The following HYDIN variants were observed in gnomAD, a reference collection of about 807,000 sequenced individuals.
The protein encoded by HYDIN is HYDIN axonemal central pair apparatus protein.
Under a neutral mutation model 403.9 loss-of-function variants are expected in HYDIN, and 132 were observed. That is an observed-to-expected ratio of 0.33 (90% CI 0.28 to 0.38). The LOEUF (loss-of-function observed/expected upper bound fraction) is 0.38, where lower values mean the gene tolerates loss of function less well. HYDIN is among the 10% of genes least tolerant of loss of function. The probability of loss-of-function intolerance (pLI) is 1.00; values close to 1 mark genes in which losing one functional copy is unlikely to be tolerated. For missense variants in HYDIN, 2,827 were observed against 5,009.5 expected, an observed-to-expected ratio of 0.56 and a Z score of 13.15; for synonymous variants, 1,202 against 1,891.7, an observed-to-expected ratio of 0.64 and a Z score of 9.46.
Position 71,197,318 on chromosome 16 carries a change from T to C in HYDIN, c.-23-10400A>G, listed in dbSNP as rs562354640. Among the ~76,000 whole-genome samples, 12 of 152,148 alleles carry C rather than the reference T, an allele frequency of 7.9e-5. No homozygotes were observed. In the South Asian group the frequency reaches 2.3e-3, roughly 29 times the overall value. On this transcript the variant is annotated intron_variant, in intron 1 of 85. Transcript: ENST00000393567. Reference sequence around the variant, plus strand: ...ATAAAAACATATTGTTTTTGAGGAGTAAAGATGAAACTCAGTGATACGGTT... The same window carrying C: ...ATAAAAACATATTGTTTTTGAGGAGCAAAGATGAAACTCAGTGATACGGTT...
intron 1 of HYDIN, among the ~76,000 whole-genome samples, chr16:71,222,976 TA>T (rs2040868557): frequency 6.6e-6 from 1 of 152,176 alleles, no homozygotes; most frequent in Non-Finnish European, 1.5e-5. Flanking sequence ...CAAACAATTC[TA>T]AAATTCACAT....
chr16:71,107,194 T>C (rs370770560), intron 10 of HYDIN, among the ~76,000 whole-genome samples: 4 of 151,978 alleles, frequency 2.6e-5, no homozygotes, highest in South Asian at 2.1e-4. Context: ...ATATACCTAA[T>C]GTTAAATGAC....
intron 30 of HYDIN, 120 bp downstream of exon 30, chr16:70,978,794 G>GCCCTTCTGCACACACACCC (rs2078961365): frequency 1.2e-6 from 1 of 805,870 alleles, no homozygotes; most frequent in South Asian, 1.9e-5. Flanking sequence ...TGCACACAGT[G>GCCCTTCTGCACACACACCC]CCCTTCTGCA....
intron 43 of HYDIN, among the ~76,000 whole-genome samples, chr16:70,940,509 A>C (rs574518197): frequency 3.3e-5 from 5 of 151,944 alleles, no homozygotes; most frequent in Admixed American, 2.0e-4. Flanking sequence ...CCATCTTAGG[A>C]CATTTCAATT....
intron 6 of HYDIN, among the ~76,000 whole-genome samples, chr16:71,154,320 G>A (rs1337347002): frequency 6.8e-6 from 1 of 147,054 alleles, no homozygotes; most frequent in Non-Finnish European, 1.5e-5. Context: ...TGGGGTACGT[G>A]AGATGTTTTG....
intron 23 of HYDIN, among the ~76,000 whole-genome samples, chr16:71,011,310 G>A (rs1018317438): frequency 1.3e-5 from 2 of 152,152 alleles, no homozygotes; most frequent in African/African-American, 4.8e-5. Context: ...TGCAGCACAA[G>A]GTCACATGGC....
At chr16:71,004,063 C>T (rs898156551) in intron 23 of HYDIN, among the ~76,000 whole-genome samples, 1 of 150,978 alleles carries the variant, frequency 6.6e-6, no homozygotes, top group African/African-American at 2.4e-5. Flanking sequence ...GCCTGTAATC[C>T]CAGCACTTTG....
At chr16:70,917,830 A>G (rs2076887762) in intron 47 of HYDIN, among the ~76,000 whole-genome samples, 1 of 146,492 alleles carries the variant, frequency 6.8e-6, no homozygotes, top group Admixed American at 6.9e-5. Flanking sequence ...CTTAGCTTCA[A>G]AACACATTTT....
intron 1 of HYDIN, among the ~76,000 whole-genome samples, chr16:71,192,011 C>T (rs2087460956): frequency 6.6e-6 from 1 of 152,156 alleles, no homozygotes; most frequent in Admixed American, 6.5e-5. Flanking sequence ...TTACTTTAAT[C>T]CCCACAGCAA....
intron 6 of HYDIN, among the ~76,000 whole-genome samples, chr16:71,154,323 A>G (rs2144583359): frequency 6.8e-6 from 1 of 146,326 alleles, no homozygotes; most frequent in East Asian, 2.0e-4. Context: ...GGTACGTGAG[A>G]TGTTTTGATA....
intron 1 of HYDIN, among the ~76,000 whole-genome samples, chr16:71,213,314 T>C (rs911596756): frequency 6.6e-6 from 1 of 151,996 alleles, no homozygotes; most frequent in African/African-American, 2.4e-5. Context: ...ATTTAAAAAA[T>C]AATAATAGCG....
Position 71,162,498 on chromosome 16 carries a change from T to A in HYDIN, c.716+33A>T, listed in dbSNP as rs376439920. Reference sequence around the variant, plus strand: ...TTGAGCTGACTAGATTTAGCTATAATCAATCAAAGACAAGAGCTAAAGGCA... The same window carrying A: ...TTGAGCTGACTAGATTTAGCTATAAACAATCAAAGACAAGAGCTAAAGGCA... On this transcript the variant is annotated intron_variant, in intron 6 of 85. Coordinates refer to ENST00000393567, the MANE Select transcript of HYDIN (RefSeq NM_001270974.2). The A allele has an allele frequency of 2.0e-4, 307 of 1,499,162 alleles. 1 individual carries two copies. The highest frequency in any genetic ancestry group is 4.2e-4 in the South Asian group (37 of 88,624). The allele number at this position is 1,499,162 out of a possible 1,614,324, so 92.9% of individuals were successfully genotyped here.
At chr16:71,229,949 T>C (rs570972987) in intron 1 of HYDIN, among the ~76,000 whole-genome samples, 26 of 152,242 alleles carry the variant, frequency 1.7e-4, no homozygotes, top group African/African-American at 6.0e-4. Context: ...TTTCCTGGGT[T>C]GTTCTCATGA....
At chr16:70,965,721 C>T (rs961734185) in intron 36 of HYDIN, among the ~76,000 whole-genome samples, 1 of 152,040 alleles carries the variant, frequency 6.6e-6, no homozygotes, top group Non-Finnish European at 1.5e-5. Flanking sequence ...TGCTAATAAG[C>T]TCCATGTAAA....
At chr16:70,871,339 G>A (rs1160610430) in intron 65 of HYDIN, among the ~76,000 whole-genome samples, 1 of 152,204 alleles carries the variant, frequency 6.6e-6, no homozygotes, top group Admixed American at 6.5e-5. Flanking sequence ...CACTGGCTGT[G>A]TGTCAACAGA....
intron 1 of HYDIN, among the ~76,000 whole-genome samples, chr16:71,216,022 C>G (rs939663378): frequency 6.6e-6 from 1 of 152,074 alleles, no homozygotes; most frequent in Non-Finnish European, 1.5e-5. Flanking sequence ...ACTTGCTGGT[C>G]GGGCTGTAAC....
chr16:70,822,736 G>T (rs2036346449), intron 83 of HYDIN, among the ~76,000 whole-genome samples: 1 of 152,132 alleles, frequency 6.6e-6, no homozygotes, highest in Non-Finnish European at 1.5e-5. Flanking sequence ...TCAACATCGA[G>T]GCAAGACCCT....
At chr16:70,879,193 C>T (rs952739036) in intron 62 of HYDIN, 104 bp downstream of exon 62, 11 of 729,090 alleles carry the variant, frequency 1.5e-5, no homozygotes, top group Non-Finnish European at 2.2e-5. Context: ...TGTGGATCAA[C>T]AGAGAAGTCC....
rs2038513304 is a variant in HYDIN, at chr16:70,850,019, T to C, written c.12652-72A>G. On this transcript the variant is annotated intron_variant, in intron 74 of 85. Coordinates refer to ENST00000393567, the MANE Select transcript of HYDIN (RefSeq NM_001270974.2). ...GTCTGGGGTCAGCATTTGTAACATGTTGATGAAAAATATCCTTTGGGAAAT... is the reference window on the plus strand; with the variant it reads ...GTCTGGGGTCAGCATTTGTAACATGCTGATGAAAAATATCCTTTGGGAAAT... 31 of 593,858 alleles carry C rather than the reference T, an allele frequency of 5.2e-5. No homozygotes were observed. The South Asian group carries it at 6.2e-4, about 12-fold the overall frequency. The allele number at this position is 593,858 out of a possible 1,614,324, so 36.8% of individuals were successfully genotyped here. A position where few individuals can be genotyped will look rare whatever the true frequency, so the allele number is the denominator to read the frequency against.
Sources: allele counts gnomAD v4.1 joint callset (sites outside exome capture counted in the v4.1 genomes callset), GRCh38; gene constraint gnomAD v4.1.1; transcripts MANE v1.5; gene names NCBI Gene and HGNC (gene_info 2026-07-23, HGNC 2026-07-21).